Variants in DENND1A observed in about 807,000 individuals in gnomAD.
The protein encoded by DENND1A is DENN domain-containing protein 1A.
A neutral mutation model predicts 113.7 loss-of-function variants in DENND1A; 51 were observed. The ratio of observed to expected loss-of-function variants is 0.45; its 90% CI spans 0.36 to 0.57. DENND1A has a LOEUF of 0.57. Ranked by LOEUF, DENND1A falls within the 20% of genes least tolerant of loss-of-function variation. The probability of loss-of-function intolerance (pLI) is 0.00; values close to 1 mark genes in which losing one functional copy is unlikely to be tolerated. For missense variants in DENND1A, 1,258 were observed against 1,395.9 expected (o/e 0.90, Z 1.57); for synonymous variants, 565 against 570.8 (o/e 0.99, Z 0.14).
At chr9:123,506,580 C>A (rs375274251) in intron 13 of DENND1A, among the ~76,000 whole-genome samples, 273 of 73,906 alleles carry the variant, frequency 3.7e-3, no homozygotes, top group South Asian at 5.0e-3. Flanking sequence ...GACTCTGTCT[C>A]AAAAAAAAAA....
At chr9:123,663,813 T>A (rs1289963759) in intron 8 of DENND1A, among the ~76,000 whole-genome samples, 1 of 151,966 alleles carries the variant, frequency 6.6e-6, no homozygotes, top group African/African-American at 2.4e-5. Flanking sequence ...GTACATTTTG[T>A]GTGCTTTTAA....
chr9:123,413,805 G>T, intron 19 of DENND1A: 1 of 985,402 alleles, frequency 1.0e-6, no homozygotes, highest in Non-Finnish European at 1.2e-6. Flanking sequence ...CTTACAGGAA[G>T]TGTGTGGGGG....
At chr9:123,672,893 A>C (rs545203658) in intron 6 of DENND1A, among the ~76,000 whole-genome samples, 4 of 152,376 alleles carry the variant, frequency 2.6e-5, no homozygotes, top group African/African-American at 9.6e-5. Flanking sequence ...ACACTGATGC[A>C]GAATTACCAC....
chr9:123,544,237 T>G (rs2056492876), intron 13 of DENND1A, among the ~76,000 whole-genome samples: 1 of 152,166 alleles, frequency 6.6e-6, no homozygotes, highest in Non-Finnish European at 1.5e-5. Context: ...TTCCCAGCGT[T>G]TTAAGTTTTC....
chr9:123,434,805 TAGTGCATGCTTACAGTA>T (rs1057020166), intron 19 of DENND1A, among the ~76,000 whole-genome samples: 1 of 152,138 alleles, frequency 6.6e-6, no homozygotes, highest in African/African-American at 2.4e-5. Context: ...AGGCGGCCAC[TAGTGCATGCTTACAGTA>T]AGTGCATGCT....
intron 7 of DENND1A, 118 bp downstream of exon 7, chr9:123,671,173 T>C: frequency 8.7e-7 from 1 of 1,143,282 alleles, no homozygotes; most frequent in Non-Finnish European, 1.3e-6. Context: ...CTCAGAGTAT[T>C]TGGGGGTAGG....
chr9:123,668,695 T>C (rs2063612056), intron 7 of DENND1A, among the ~76,000 whole-genome samples: 1 of 151,972 alleles, frequency 6.6e-6, no homozygotes, highest in Admixed American at 6.6e-5. Flanking sequence ...AATAAAAAAG[T>C]AAAAAATAAA....
At chr9:123,544,229 C>T (rs898354038) in intron 13 of DENND1A, among the ~76,000 whole-genome samples, 1 of 152,136 alleles carries the variant, frequency 6.6e-6, no homozygotes, top group African/African-American at 2.4e-5. Flanking sequence ...GGCTACACTT[C>T]CCAGCGTTTT....
intron 3 of DENND1A, among the ~76,000 whole-genome samples, chr9:123,779,872 C>CTTTTTTTTTTTTTTTTTTTTT (rs72419269): frequency 7.0e-6 from 1 of 143,880 alleles, no homozygotes; most frequent in East Asian, 2.0e-4. Context: ...TTGCATGAGA[C>CTTTTTTTTTTTTTTTTTTTTT]TTTTTTTTGA....
intron 2 of DENND1A, among the ~76,000 whole-genome samples, chr9:123,859,830 T>C (rs1844803007): frequency 6.6e-6 from 1 of 152,090 alleles, no homozygotes; most frequent in South Asian, 2.1e-4. Flanking sequence ...GGGAAATGCA[T>C]ATTTAAAAGG....
chr9:123,650,559 C>G (rs879342431), intron 9 of DENND1A, among the ~76,000 whole-genome samples: 2 of 152,082 alleles, frequency 1.3e-5, no homozygotes, highest in Non-Finnish European at 2.9e-5. Context: ...CAACAACAAA[C>G]TCAGCAAACA....
chr9:123,451,814 T>C (rs1187619905), intron 17 of DENND1A, among the ~76,000 whole-genome samples: 2 of 152,158 alleles, frequency 1.3e-5, no homozygotes, highest in East Asian at 1.9e-4. Flanking sequence ...TATAATAATC[T>C]GCTAAATAAT....
At position 123,468,891 on chromosome 9, in the gene DENND1A, G is replaced by A. The variant is rs533700661; in HGVS notation, c.994-10994C>T. Among the ~76,000 whole-genome samples the A allele has an allele frequency of 6.6e-5, 10 of 152,182 alleles. 1 individual carries two copies. The highest frequency in any genetic ancestry group is 1.2e-4 in the Non-Finnish European group (8 of 68,020). ...TGCATCCTTCACTCACCAAATCCTC[G>A]CCAGAAGGGAGATCTTCTGAAATGA... On this transcript the variant is annotated intron_variant, in intron 13 of 23. Transcript: ENST00000394215.
At chr9:123,543,447 C>A (rs752200556) in intron 13 of DENND1A, among the ~76,000 whole-genome samples, 1 of 152,140 alleles carries the variant, frequency 6.6e-6, no homozygotes, top group Non-Finnish European at 1.5e-5. Flanking sequence ...ATATCAATAT[C>A]TTTGGGTCTA....
At chr9:123,898,367 T>C (rs637245) in intron 1 of DENND1A, among the ~76,000 whole-genome samples, 13,110 of 152,242 alleles carry the variant, frequency 0.086, 955 homozygotes, top group African/African-American at 0.2. Flanking sequence ...TCTCACTCTG[T>C]AGCCCAGACT....
In DENND1A at chr9:123,381,854, G is replaced by T; in HGVS notation, c.2791C>A (p.Leu931Ile). The T allele has an allele frequency of 6.8e-7, 1 of 1,474,466 alleles. No homozygotes were observed. Among genetic ancestry groups the T allele is most frequent in the Non-Finnish European group, 9.0e-7 (1 of 1,112,462 alleles). The allele number at this position is 1,474,466 out of a possible 1,614,324, so 91.3% of individuals were successfully genotyped here. Reference protein sequence around the residue: ...ASLGPAFASGLLLSSAGFCAP... With the variant: ...ASLGPAFASGILLSSAGFCAP... ...CAGAAGCCAGCACTGGACAGCAGGA[G>T]GCCGGACGCAAAAGCCGGCCCCAGG... Residue 931 changes from leucine to isoleucine, a missense_variant, in exon 24 of 24, where the codon CTC becomes ATC. This residue lies in a region of DENND1A where 1,159 missense variants were observed against 1,231.7 expected (regional missense o/e 0.94). Transcript: ENST00000394215. The surrounding 1 kb of genome is among the most constrained non-coding windows in gnomAD (Gnocchi z 4.7).
intron 13 of DENND1A, among the ~76,000 whole-genome samples, chr9:123,497,628 C>A (rs2052047256): frequency 6.6e-6 from 1 of 152,130 alleles, no homozygotes; most frequent in Non-Finnish European, 1.5e-5. Flanking sequence ...CTGGCCATTT[C>A]TAAGACTGTT....
chr9:123,565,894 A>T (rs949338256), intron 12 of DENND1A, among the ~76,000 whole-genome samples: 3 of 152,254 alleles, frequency 2.0e-5, no homozygotes, highest in Non-Finnish European at 4.4e-5. Flanking sequence ...CAAGAAATTT[A>T]TCAGGAGAAA....
chr9:123,401,718 T>C, intron 21 of DENND1A: 1 of 1,594,652 alleles, frequency 6.3e-7, no homozygotes. Context: ...GTTCAGGTGA[T>C]AAGCAGGAAA....
Sources: gnomAD v4.1 joint callset for allele counts (sites outside exome capture counted in the v4.1 genomes callset) on GRCh38, gnomAD v4.1.1 for gene constraint, gnomAD v4.1.1 regional missense constraint, Gnocchi (gnomAD v3.1) non-coding constraint, MANE v1.5 for transcripts, NCBI Gene and HGNC (gene_info 2026-07-23, HGNC 2026-07-21) for gene names.